The following WT1 variants were observed in gnomAD, a reference collection of about 807,000 sequenced individuals.
WT1 encodes the protein Wilms tumor protein.
WT1 carries 8 observed loss-of-function variants against 60.8 expected under a neutral mutation model. That is an observed-to-expected ratio of 0.13 (90% CI 0.08 to 0.24). The LOEUF (loss-of-function observed/expected upper bound fraction) is 0.24. Among genes scored for constraint, WT1 ranks in the 10% least tolerant of loss-of-function variants. The pLI, the probability that WT1 is intolerant of heterozygous loss-of-function variation, is 1.00. For synonymous variants in WT1, 312 were observed against 297.1 expected, an observed-to-expected ratio of 1.05 and a Z score of -0.52; for missense variants, 568 against 711.8, an observed-to-expected ratio of 0.80 and a Z score of 2.30.
rs1369099437 is a variant in WT1, at chr11:32,416,498, C to T, written c.1008G>A (p.Gly336=). The T allele has an allele frequency of 1.1e-5, 18 of 1,614,000 alleles. No homozygotes were observed. Among genetic ancestry groups the T allele is most frequent in the Non-Finnish European group, 1.4e-5 (17 of 1,180,014 alleles). The change falls in exon 5 of 10, where the codon GGG becomes GGA. Residue 336 remains glycine, a synonymous_variant. Coordinates refer to ENST00000452863, the MANE Select transcript of WT1 (RefSeq NM_024426.6). ...CCGCATTGTCCACTCACTTGCTCTG[C>T]CCTTCTGTCCATTTCACTGAGCTGG...
At chr11:32,400,114 A>G (rs1235943018) in intron 5 of WT1, 70 bp from the exon 6 acceptor site, 3 of 1,549,346 alleles carry the variant, frequency 1.9e-6, no homozygotes, top group Admixed American at 1.8e-5. Context: ...CTTATCTGCA[A>G]TCAGGAGGGA....
chr11:32,399,889 CG>C (rs1852094145), intron 6 of WT1, 58 bp downstream of exon 6: 1 of 1,578,030 alleles, frequency 6.3e-7, no homozygotes, highest in African/African-American at 1.3e-5. Flanking sequence ...ACTAAAGGGC[CG>C]GTAAGTAGGA....
intron 1 of WT1, among the ~76,000 whole-genome samples, chr11:32,430,285 CT>C (rs1853235977): frequency 6.6e-6 from 1 of 152,114 alleles, no homozygotes; most frequent in Non-Finnish European, 1.5e-5. Context: ...CACAGACTTC[CT>C]TTTGAAACCT....
chr11:32,388,980 A>T lies in WT1; in HGVS notation c.*78T>A. The stretch of plus-strand genomic sequence containing the variant: ...AACTGAAGTTTCCTTTTTAGTGAGG[A>T]GGAGTGGAGAGTCAGACTTGAAAGC... On this transcript the variant is annotated 3_prime_UTR_variant, in exon 10 of 10. Coordinates refer to ENST00000452863, the MANE Select transcript of WT1 (RefSeq NM_024426.6). 6.2e-7 allele frequency: 1 copy of T among 1,607,668 alleles called. No individual in the cohort carries two copies. The highest frequency in any genetic ancestry group is 1.1e-5 in the South Asian group (1 of 90,658).
At chr11:32,418,126 G>T (rs1245024613) in intron 3 of WT1, among the ~76,000 whole-genome samples, 1 of 151,640 alleles carries the variant, frequency 6.6e-6, no homozygotes, top group Non-Finnish European at 1.5e-5. Context: ...CAGAGTGATG[G>T]GTGATAAATG....
chr11:32,398,955 G>A (rs1852058056), intron 6 of WT1, among the ~76,000 whole-genome samples: 1 of 150,998 alleles, frequency 6.6e-6, no homozygotes, highest in Non-Finnish European at 1.5e-5. Flanking sequence ...AGGAGATCAA[G>A]ACCATCCTGG....
chr11:32,435,339 C>A lies in WT1; in HGVS notation c.22G>T (p.Asp8Tyr). 2 of 1,531,814 alleles carry A rather than the reference C, an allele frequency of 1.3e-6. No homozygotes were observed. The highest frequency in any genetic ancestry group is 2.4e-5 in the South Asian group (2 of 83,876). 94.9% of individuals were successfully genotyped at this position (1,531,814 alleles called of 1,614,324 possible). A position where few individuals can be genotyped will look rare whatever the true frequency, so the allele number is the denominator to read the frequency against. ...TCCGGGACACACGTGGAAGCCGGGT[C>A]CTGCAGCAAGAGGAAGTCCAGGATC... is the stretch of plus-strand genomic sequence containing the variant. Residue 8 changes from aspartate to tyrosine, a missense_variant, in exon 1 of 10, where the codon GAC (aspartate) becomes TAC (tyrosine). This residue lies in a region of WT1 where 523 missense variants were observed against 565.1 expected (regional missense o/e 0.93). Coordinates refer to ENST00000452863, the MANE Select transcript of WT1 (RefSeq NM_024426.6).
chr11:32,394,766 A>C (rs763082463), intron 7 of WT1, among the ~76,000 whole-genome samples: 1 of 152,176 alleles, frequency 6.6e-6, no homozygotes, highest in African/African-American at 2.4e-5. Context: ...TTCTGCAAGG[A>C]AGAGTTTCTT....
Position 32,417,454 on chromosome 11 carries a change from G to A in WT1, c.965+123C>T, listed in dbSNP as rs1385484546. The A allele has an allele frequency of 4.5e-6, 4 of 887,536 alleles. No individual in the cohort carries two copies. In the South Asian group the frequency reaches 5.9e-5, roughly 13 times the overall value. 55.0% of individuals were successfully genotyped at this position (887,536 alleles called of 1,614,324 possible). On this transcript the variant is annotated intron_variant, in intron 4 of 9. Transcript: ENST00000452863. ...AGGGGAAGGAGGAAAGCGTTCTAAT[G>A]TCACAGAGAGCTTTGCCCTTTCTTC...
chr11:32,429,618 T>C (rs1853200886), intron 1 of WT1, among the ~76,000 whole-genome samples: 1 of 152,168 alleles, frequency 6.6e-6, no homozygotes, highest in South Asian at 2.1e-4. Flanking sequence ...CGGCTAAAGA[T>C]ACGTCATTGG....
At chr11:32,429,818 G>C (rs1287045490) in intron 1 of WT1, among the ~76,000 whole-genome samples, 1 of 151,780 alleles carries the variant, frequency 6.6e-6, no homozygotes, top group African/African-American at 2.4e-5. Flanking sequence ...GAGTAAATTG[G>C]GTCAAACAGC....
intron 5 of WT1, among the ~76,000 whole-genome samples, chr11:32,413,628 T>C (rs1297749354): frequency 6.6e-6 from 1 of 152,196 alleles, no homozygotes; most frequent in African/African-American, 2.4e-5. Flanking sequence ...AAAATCAATC[T>C]AGTACATCAC....
intron 4 of WT1, chr11:32,417,348 T>C: frequency 1.8e-6 from 1 of 560,048 alleles, no homozygotes; most frequent in South Asian, 2.2e-5. Flanking sequence ...ATAATAAGTG[T>C]CCTCAATATT....
At chr11:32,430,020 G>A (rs1244900156) in intron 1 of WT1, among the ~76,000 whole-genome samples, 1 of 151,824 alleles carries the variant, frequency 6.6e-6, no homozygotes, top group Non-Finnish European at 1.5e-5. Flanking sequence ...GCTTCTCTGG[G>A]GCAACAGAGG....
At position 32,396,353 on chromosome 11, in the gene WT1, T is replaced by C; in HGVS notation, c.1168A>G (p.Thr390Ala). 6.2e-7 allele frequency: 1 copy of C among 1,614,160 alleles called. No individual in the cohort carries two copies. The highest frequency in any genetic ancestry group is 8.5e-7 in the Non-Finnish European group (1 of 1,180,044). Reference sequence around the variant, plus strand: ...CACATGAAGGGGCGTTTCTCACTGGTCTCAGATGCCGACCGTACAAGAGTC... The same window carrying C: ...CACATGAAGGGGCGTTTCTCACTGGCCTCAGATGCCGACCGTACAAGAGTC... Residue 390 changes from threonine to alanine, a missense_variant, in exon 7 of 10, where the codon ACC becomes GCC. By Grantham distance (58) the Thr-to-Ala change is moderately conservative. Around this residue, in one of 3 missense-constraint regions of WT1, gnomAD observed 523 missense variants for 565.1 expected, o/e 0.93. Transcript: ENST00000452863.
chr11:32,419,772 C>A (rs879342767), intron 3 of WT1, among the ~76,000 whole-genome samples: 14 of 152,256 alleles, frequency 9.2e-5, no homozygotes, highest in Non-Finnish European at 1.9e-4. Flanking sequence ...CAGTTCGCTG[C>A]AACCTCAGTC....
chr11:32,420,986 A>T (rs1482281741), intron 3 of WT1, among the ~76,000 whole-genome samples: 1 of 152,244 alleles, frequency 6.6e-6, no homozygotes, highest in Non-Finnish European at 1.5e-5. Context: ...GGCCAGAGAT[A>T]GGATCAGAGC....
rs767584364 is a variant in WT1, at chr11:32,427,938, A to G, written c.887+18T>C. 3 of 1,599,652 alleles carry G rather than the reference A, an allele frequency of 1.9e-6. No individual in the cohort carries two copies. Among genetic ancestry groups the G allele is most frequent in the Non-Finnish European group, 2.6e-6 (3 of 1,172,930 alleles). ...CGGGGTCCCAAGGACCCAGACGCAG[A>G]GCCCAGCGCCTTCCTACCTGCTGTA... is the stretch of plus-strand genomic sequence containing the variant. On this transcript the variant is annotated intron_variant, in intron 3 of 9. Coordinates refer to ENST00000452863, the MANE Select transcript of WT1 (RefSeq NM_024426.6).
chr11:32,419,452 T>C (rs1247371902), intron 3 of WT1, among the ~76,000 whole-genome samples: 3 of 152,232 alleles, frequency 2.0e-5, no homozygotes, highest in African/African-American at 7.2e-5. Flanking sequence ...TCAGCCCCAG[T>C]TGACAATTTT....
Sources: gnomAD v4.1 joint callset for allele counts (sites outside exome capture counted in the v4.1 genomes callset) on GRCh38, gnomAD v4.1.1 for gene constraint, gnomAD v4.1.1 regional missense constraint, MANE v1.5 for transcripts, NCBI Gene and HGNC (gene_info 2026-07-23, HGNC 2026-07-21) for gene names.